Variants in FSTL5 observed in about 807,000 individuals in gnomAD.
The protein encoded by FSTL5 is follistatin-related protein 5.
A neutral mutation model predicts 89.1 loss-of-function variants in FSTL5; 62 were observed. The observed-to-expected ratio is 0.70, with a 90% CI of 0.57 to 0.86. The LOEUF is 0.86. FSTL5 is among the 40% of genes least tolerant of loss of function. FSTL5 has a pLI of 0.00. For missense variants in FSTL5, 1,057 were observed against 1,001.6 expected (o/e 1.06, Z -0.75); for synonymous variants, 383 against 346.2 (o/e 1.11, Z -1.18).
At chr4:161,736,554 G>C (rs903031678) in intron 6 of FSTL5, among the ~76,000 whole-genome samples, 1 of 152,090 alleles carries the variant, frequency 6.6e-6, no homozygotes, top group African/African-American at 2.4e-5. Flanking sequence ...AACTGAAAAA[G>C]TGACTTCACA....
chr4:161,886,014 C>A (rs996258354), intron 4 of FSTL5, among the ~76,000 whole-genome samples: 2 of 114,326 alleles, frequency 1.7e-5, no homozygotes, highest in Admixed American at 1.1e-4. Context: ...ATCAACAAAT[C>A]ATCAATTATT....
At chr4:161,525,408 A>C (rs1731183063) in intron 10 of FSTL5, among the ~76,000 whole-genome samples, 3 of 152,188 alleles carry the variant, frequency 2.0e-5, no homozygotes, top group African/African-American at 7.2e-5. Context: ...TTTCTAATGT[A>C]CAATTAAGAA....
chr4:162,064,131 T>A (rs540880034), intron 2 of FSTL5, among the ~76,000 whole-genome samples: 60 of 152,148 alleles, frequency 3.9e-4, no homozygotes, highest in African/African-American at 1.4e-3. Flanking sequence ...ATAAATTTCT[T>A]CAGCAGTTTC....
Position 161,920,607 on chromosome 4 carries a change from T to C in FSTL5, c.206A>G (p.Tyr69Cys), listed in dbSNP as rs775952952. 1.2e-6 allele frequency: 2 copies of C among 1,613,838 alleles called. No homozygotes were observed. The highest frequency in any genetic ancestry group is 1.7e-6 in the Non-Finnish European group (2 of 1,179,894). ...AACACAGTGTCTTCCCAAACCACAGTACTTATTTTCACAAGATCCAAAAGG... is the reference window on the plus strand; with the variant it reads ...AACACAGTGTCTTCCCAAACCACAGCACTTATTTTCACAAGATCCAAAAGG... ...DGPFGSCENK[Y>C]CGLGRHCVTS... The change falls in exon 4 of 16, where the codon TAC (tyrosine) becomes TGC (cysteine). Residue 69 changes from tyrosine (Y) to cysteine (C), a missense_variant. Around this residue, in one of 3 missense-constraint regions of FSTL5, gnomAD observed 980 missense variants for 903.2 expected, o/e 1.08. Coordinates refer to ENST00000306100, the MANE Select transcript of FSTL5 (RefSeq NM_020116.5).
At chr4:161,818,397 A>AAT (rs1280965515) in intron 4 of FSTL5, among the ~76,000 whole-genome samples, 1 of 152,228 alleles carries the variant, frequency 6.6e-6, no homozygotes, top group Non-Finnish European at 1.5e-5. Context: ...CCCGGGGATA[A>AAT]AGAAAGTCCT....
intron 1 of FSTL5, among the ~76,000 whole-genome samples, chr4:162,161,699 T>C (rs1315120113): frequency 2.0e-5 from 3 of 151,930 alleles, no homozygotes; most frequent in Admixed American, 6.6e-5. Context: ...TAGGTACATT[T>C]TGAGTAAATA....
At chr4:161,505,857 T>G (rs1295963420) in intron 11 of FSTL5, among the ~76,000 whole-genome samples, 1 of 152,048 alleles carries the variant, frequency 6.6e-6, no homozygotes, top group Admixed American at 6.6e-5. Flanking sequence ...CTGATGTAAG[T>G]TTTTAGCAGA....
At chr4:161,826,507 T>C (rs946782616) in intron 4 of FSTL5, among the ~76,000 whole-genome samples, 1 of 152,212 alleles carries the variant, frequency 6.6e-6, no homozygotes, top group African/African-American at 2.4e-5. Context: ...ACTAATATTG[T>C]GTTGCCATCT....
chr4:162,130,290 A>G (rs1477956644), intron 1 of FSTL5, among the ~76,000 whole-genome samples: 1 of 152,210 alleles, frequency 6.6e-6, no homozygotes, highest in African/African-American at 2.4e-5. Flanking sequence ...CATGATAACT[A>G]TGCATTTAAC....
chr4:161,953,011 T>C (rs2110957866), intron 3 of FSTL5, among the ~76,000 whole-genome samples: 1 of 151,884 alleles, frequency 6.6e-6, no homozygotes, highest in East Asian at 1.9e-4. Context: ...CTTATCTTCA[T>C]GAAGACAAGA....
chr4:161,648,014 G>A (rs1736210202), intron 7 of FSTL5, among the ~76,000 whole-genome samples: 1 of 152,104 alleles, frequency 6.6e-6, no homozygotes, highest in Non-Finnish European at 1.5e-5. Flanking sequence ...AGCCCGGGCC[G>A]CCAAATGACC....
chr4:162,140,341 A>G (rs188575711), intron 1 of FSTL5, among the ~76,000 whole-genome samples: 6 of 145,582 alleles, frequency 4.1e-5, no homozygotes, highest in African/African-American at 1.5e-4. Flanking sequence ...CATTGTTTTT[A>G]ATAGTAAATT....
chr4:162,098,476 T>C (rs988458655), intron 2 of FSTL5, among the ~76,000 whole-genome samples: 1 of 151,998 alleles, frequency 6.6e-6, no homozygotes, highest in Non-Finnish European at 1.5e-5. Context: ...CTGTCCATTG[T>C]ATAAAAAATA....
intron 6 of FSTL5, among the ~76,000 whole-genome samples, chr4:161,733,260 CTTGT>C (rs960336715): frequency 4.2e-4 from 63 of 151,688 alleles, no homozygotes; most frequent in African/African-American, 1.4e-3. Flanking sequence ...TTTTTGTGCT[CTTGT>C]TTGTAATTTT....
intron 15 of FSTL5, among the ~76,000 whole-genome samples, chr4:161,454,421 C>T (rs994673537): frequency 1.3e-5 from 2 of 152,120 alleles, no homozygotes; most frequent in African/African-American, 4.8e-5. Context: ...TATTACTTTT[C>T]CGCCTCTTGT....
intron 3 of FSTL5, among the ~76,000 whole-genome samples, chr4:162,009,808 G>A (rs1560968133): frequency 6.6e-6 from 1 of 151,906 alleles, no homozygotes; most frequent in Non-Finnish European, 1.5e-5. Flanking sequence ...TGTACATTAT[G>A]TAAATATTCA....
intron 3 of FSTL5, among the ~76,000 whole-genome samples, chr4:162,012,556 A>T (rs1471802186): frequency 1.3e-5 from 2 of 152,156 alleles, no homozygotes; most frequent in Non-Finnish European, 2.9e-5. Flanking sequence ...CTATGGAAAA[A>T]TTTTAAGTAA....
chr4:161,964,626 C>T (rs1735272376), intron 3 of FSTL5, among the ~76,000 whole-genome samples: 1 of 151,900 alleles, frequency 6.6e-6, no homozygotes, highest in Admixed American at 6.6e-5. Flanking sequence ...AGGAAATCAA[C>T]TATCAGATTT....
chr4:161,800,963 G>C (rs1320173221), intron 4 of FSTL5, among the ~76,000 whole-genome samples: 1 of 151,494 alleles, frequency 6.6e-6, no homozygotes, highest in African/African-American at 2.4e-5. Flanking sequence ...ATTAATATCT[G>C]TTTCTTTCAA....
Sources: allele counts gnomAD v4.1 joint callset (sites outside exome capture counted in the v4.1 genomes callset), GRCh38; gene constraint gnomAD v4.1.1; regional missense constraint gnomAD v4.1.1; transcripts MANE v1.5; gene names NCBI Gene and HGNC (gene_info 2026-07-23, HGNC 2026-07-21).